DNAH14: variants seen among roughly 807,000 people sequenced by gnomAD.
The protein encoded by DNAH14 is dynein axonemal heavy chain 14, also known as axonemal beta dynein heavy chain 14.
DNAH14 carries 478 observed loss-of-function variants against 520.9 expected under a neutral mutation model. The ratio of observed to expected loss-of-function variants is 0.92; its 90% CI spans 0.85 to 0.99. DNAH14 has a LOEUF of 0.99. Ranked by LOEUF, DNAH14 falls within the 50% of genes least tolerant of loss-of-function variation. DNAH14 has a pLI of 0.00. For missense variants in DNAH14, 4,831 were observed against 5,234.5 expected (o/e 0.92, Z 2.38); for synonymous variants, 1,581 against 1,757.2 (o/e 0.90, Z 2.51).
Position 224,981,294 on chromosome 1 carries a change from G to C in DNAH14, c.830+7141G>C, listed in dbSNP as rs543648664. Among the ~76,000 whole-genome samples, 5 of 152,304 alleles carry C rather than the reference G, an allele frequency of 3.3e-5. No homozygotes were observed. The East Asian group carries it at 9.6e-4, about 29-fold the overall frequency. ...TGGTTTTGGAATTAGGGTGATGCTG[G>C]CTTCATAGAATGAATTAGGGAGGGT... On this transcript the variant is annotated intron_variant, in intron 8 of 85. Coordinates refer to ENST00000682510, the MANE Select transcript of DNAH14 (RefSeq NM_001367479.1).
At chr1:225,001,105 CTTT>C (rs56251439) in intron 8 of DNAH14, among the ~76,000 whole-genome samples, 1 of 144,170 alleles carries the variant, frequency 6.9e-6, no homozygotes, top group Non-Finnish European at 1.5e-5. Context: ...AGGCAATGGA[CTTT>C]TTTTTTTTTT....
At position 225,273,083 on chromosome 1, in the gene DNAH14, T is replaced by C. The variant is rs1463522621; in HGVS notation, c.7968T>C (p.Leu2656=). Residue 2656 remains leucine, a synonymous_variant, in exon 52 of 86, where the codon CTT becomes CTC. Coordinates refer to ENST00000682510, the MANE Select transcript of DNAH14 (RefSeq NM_001367479.1). ...DRLIDFTDKS[L]FYRLLSRELE... ...TAATTGATTTCACTGATAAAAGCCTTTTCTATCGGTTGCTTTCAAGGGAAC... is the reference window on the plus strand; with the variant it reads ...TAATTGATTTCACTGATAAAAGCCTCTTCTATCGGTTGCTTTCAAGGGAAC... 6.4e-7 allele frequency: 1 copy of C among 1,550,402 alleles called. No individual in the cohort carries two copies. Among genetic ancestry groups the C allele is most frequent in the Non-Finnish European group, 8.7e-7 (1 of 1,146,730 alleles).
chr1:225,013,829 C>G (rs150691307), intron 10 of DNAH14, among the ~76,000 whole-genome samples: 4 of 152,136 alleles, frequency 2.6e-5, no homozygotes, highest in Non-Finnish European at 5.9e-5. Context: ...CATCCCAGGT[C>G]GACTTCAGAC....
rs891961919 is a variant in DNAH14, at chr1:225,374,882, T to C, written c.12513T>C (p.Asp4171=). ...VLKDDFSFSS[D]GICLPVPGSA... ...AAGATGACTTCAGTTTCTCCAGTGA[T>C]GGGGTAGGAAAAGAATCAATCTTCT... Residue 4171 remains aspartate, a synonymous_variant, in exon 78 of 86, where the codon GAT becomes GAC. Coordinates refer to ENST00000682510, the MANE Select transcript of DNAH14 (RefSeq NM_001367479.1). 6.5e-7 allele frequency: 1 copy of C among 1,547,168 alleles called. No individual in the cohort carries two copies. Among genetic ancestry groups the C allele is most frequent in the Non-Finnish European group, 8.7e-7 (1 of 1,143,916 alleles).
chr1:225,354,795 C>T (rs1354891743), intron 73 of DNAH14, among the ~76,000 whole-genome samples: 1 of 152,118 alleles, frequency 6.6e-6, no homozygotes, highest in East Asian at 1.9e-4. Flanking sequence ...ATTTAAATTC[C>T]TTAAATTCTT....
chr1:224,987,088 A>G (rs1446340157), intron 8 of DNAH14, among the ~76,000 whole-genome samples: 1 of 150,908 alleles, frequency 6.6e-6, no homozygotes, highest in Non-Finnish European at 1.5e-5. Context: ...CAATAGCTAC[A>G]AGTATATGTG....
At chr1:225,125,790 A>G (rs1400087029) in intron 27 of DNAH14, among the ~76,000 whole-genome samples, 2 of 152,220 alleles carry the variant, frequency 1.3e-5, no homozygotes, top group East Asian at 3.8e-4. Flanking sequence ...GTTTGGCAGA[A>G]GAGGCCTAGC....
intron 34 of DNAH14, among the ~76,000 whole-genome samples, chr1:225,154,775 T>TA (rs2080864485): frequency 2.0e-5 from 3 of 151,936 alleles, no homozygotes; most frequent in African/African-American, 7.2e-5. Flanking sequence ...GTACGGAAGA[T>TA]CTTTAAAACT....
chr1:225,206,178 T>C lies in DNAH14; in HGVS notation c.6185T>C (p.Met2062Thr). Residue 2062 changes from methionine to threonine, a missense_variant and splice_region_variant, in exon 40 of 86, where the codon ATG becomes ACG. Coordinates refer to ENST00000682510, the MANE Select transcript of DNAH14 (RefSeq NM_001367479.1). ...ATVSRCAMVY[M>T]DPVDLGWEPY... ...GTCAGCCGATGTGCCATGGTCTATATGGTAAGCTTTCAAAAACAAATGTTT... is the reference window on the plus strand; with the variant it reads ...GTCAGCCGATGTGCCATGGTCTATACGGTAAGCTTTCAAAAACAAATGTTT... The C allele has an allele frequency of 6.5e-7, 1 of 1,534,596 alleles. No homozygotes were observed. The highest frequency in any genetic ancestry group is 8.8e-7 in the Non-Finnish European group (1 of 1,135,766).
At chr1:224,942,251 T>A (rs955508754) in intron 1 of DNAH14, among the ~76,000 whole-genome samples, 125 of 152,288 alleles carry the variant, frequency 8.2e-4, no homozygotes, top group African/African-American at 2.7e-3. Flanking sequence ...TTCCTAGGTA[T>A]TTTATTCTCT....
rs566284955 is a variant in DNAH14 at position 224,976,406 on chromosome 1, C to A, written c.830+2253C>A. Reference sequence around the variant, plus strand: ...ACCCTAGAAGAAAACCTAGGCATTACCATTCAGGACATAGGCTTGGGCAAG... The same window carrying A: ...ACCCTAGAAGAAAACCTAGGCATTAACATTCAGGACATAGGCTTGGGCAAG... On this transcript the variant is annotated intron_variant, in intron 8 of 85. Coordinates refer to ENST00000682510, the MANE Select transcript of DNAH14 (RefSeq NM_001367479.1). 2.1e-3 allele frequency among the ~76,000 whole-genome samples: 317 copies of A among 152,214 alleles called. 1 individual carries two copies. Among genetic ancestry groups the A allele is most frequent in the African/African-American group, 7.3e-3 (303 of 41,524 alleles).
chr1:225,078,802 CT>C (rs1558882889), intron 17 of DNAH14, among the ~76,000 whole-genome samples: 8 of 48,640 alleles, frequency 1.6e-4, no homozygotes, highest in South Asian at 1.0e-3. Flanking sequence ...CTCTCTCTCT[CT>C]CTCTCTCTCT....
intron 42 of DNAH14, among the ~76,000 whole-genome samples, chr1:225,233,746 C>T (rs1170590663): frequency 1.3e-5 from 2 of 152,128 alleles, no homozygotes; most frequent in Non-Finnish European, 1.5e-5. Flanking sequence ...TGTCTGTTCA[C>T]TCTAATGATA....
chr1:225,344,331 A>G (rs955353020), intron 69 of DNAH14, among the ~76,000 whole-genome samples: 1 of 151,788 alleles, frequency 6.6e-6, no homozygotes, highest in Admixed American at 6.6e-5. Flanking sequence ...TCACTCAGGT[A>G]TTAAGCCCAG....
intron 1 of DNAH14, among the ~76,000 whole-genome samples, chr1:224,944,318 C>CCCTG (rs2059641757): frequency 1.3e-5 from 2 of 151,436 alleles, no homozygotes; most frequent in Admixed American, 6.6e-5. Flanking sequence ...GGATTGCAAC[C>CCCTG]CCTTTTTTTG....
At chr1:225,018,665 A>C (rs950047028) in intron 10 of DNAH14, among the ~76,000 whole-genome samples, 1 of 152,238 alleles carries the variant, frequency 6.6e-6, no homozygotes, top group South Asian at 2.1e-4. Context: ...AGGGCAGATC[A>C]CTGGCAAAGG....
intron 8 of DNAH14, among the ~76,000 whole-genome samples, chr1:224,991,654 T>G (rs1365712413): frequency 6.6e-6 from 1 of 152,120 alleles, no homozygotes; most frequent in Non-Finnish European, 1.5e-5. Flanking sequence ...TTTTGTATTT[T>G]TCTTTCCTTT....
chr1:224,953,604 A>G (rs1241806876), intron 2 of DNAH14, among the ~76,000 whole-genome samples: 1 of 152,200 alleles, frequency 6.6e-6, no homozygotes, highest in Non-Finnish European at 1.5e-5. Flanking sequence ...AGGATACACA[A>G]ATAAAGAATA....
intron 41 of DNAH14, among the ~76,000 whole-genome samples, chr1:225,213,387 G>T (rs919829317): frequency 6.6e-6 from 1 of 152,006 alleles, no homozygotes; most frequent in African/African-American, 2.4e-5. Context: ...CTTGGCAATG[G>T]GGGCTCTTTT....
Sources: allele counts gnomAD v4.1 joint callset (sites outside exome capture counted in the v4.1 genomes callset), GRCh38; gene constraint gnomAD v4.1.1; transcripts MANE v1.5; gene names NCBI Gene and HGNC (gene_info 2026-07-23, HGNC 2026-07-21).